The following NSUN6 variants were observed in gnomAD, a reference collection of about 807,000 sequenced individuals.
NSUN6 encodes the protein NOP2/Sun RNA methyltransferase 6.
Under a neutral mutation model 58.0 loss-of-function variants are expected in NSUN6, and 64 were observed. The ratio of observed to expected loss-of-function variants is 1.10; its 90% CI spans 0.90 to 1.36. The LOEUF (loss-of-function observed/expected upper bound fraction) is 1.36, where lower values mean the gene tolerates loss of function less well. Ranked by LOEUF, NSUN6 falls within the 40% of genes most tolerant of loss-of-function variation. The pLI is 0.00. For missense variants in NSUN6, 701 were observed against 550.1 expected (o/e 1.27, Z -2.74); for synonymous variants, 231 against 193.9 (o/e 1.19, Z -1.59).
chr10:18,610,145 C>G (rs764023202), intron 5 of NSUN6, among the ~76,000 whole-genome samples: 2 of 151,982 alleles, frequency 1.3e-5, no homozygotes, highest in Non-Finnish European at 2.9e-5. Context: ...CATGGAGAAA[C>G]CCTGTCTCTA....
chr10:18,596,136 T>TA (rs1491512503), intron 7 of NSUN6, 72 bp downstream of exon 7: 2 of 1,314,036 alleles, frequency 1.5e-6, no homozygotes, highest in East Asian at 2.3e-5. Flanking sequence ...TGAATGGCTC[T>TA]ATGTTTCAGA....
intron 8 of NSUN6, among the ~76,000 whole-genome samples, chr10:18,558,349 G>C (rs552634931): frequency 7.3e-6 from 1 of 136,936 alleles, no homozygotes; most frequent in Admixed American, 7.1e-5. Flanking sequence ...GGAATGGGAT[G>C]GAATGGAGAA....
Position 18,585,974 on chromosome 10 carries a change from T to A in NSUN6, c.897A>T (p.Lys299Asn), listed in dbSNP as rs1321443403. 6.2e-7 allele frequency: 1 copy of A among 1,608,120 alleles called. No homozygotes were observed. Among genetic ancestry groups the A allele is most frequent in the East Asian group, 2.2e-5 (1 of 44,816 alleles). Residue 299 changes from lysine to asparagine, a missense_variant, in exon 8 of 11, where the codon AAA (lysine) becomes AAT (asparagine). Lys to Asn is a moderately conservative substitution (Grantham distance 94). Coordinates refer to ENST00000377304, the MANE Select transcript of NSUN6 (RefSeq NM_182543.5). The stretch of plus-strand genomic sequence containing the variant: ...CTTCTGTGTCCTCCACCATATCAAG[T>A]TTAACCGCCTTTGTTCCATCAAAAC... ...AFCFDGTKAVKLDMVEDTEGE... is the reference protein window; with the variant it reads ...AFCFDGTKAVNLDMVEDTEGE...
At chr10:18,575,651 C>T (rs1159597694) in intron 8 of NSUN6, among the ~76,000 whole-genome samples, 4 of 152,126 alleles carry the variant, frequency 2.6e-5, no homozygotes, top group East Asian at 3.9e-4. Flanking sequence ...AACCACTTAA[C>T]CAAGTTAGTC....
At position 18,642,483 on chromosome 10, in the gene NSUN6, C is replaced by CAAT. The variant is rs1380633998; in HGVS notation, c.301_303dup (p.Ile101dup). 6.7e-7 allele frequency: 1 copy of CAAT among 1,499,356 alleles called. No homozygotes were observed. The highest frequency in any genetic ancestry group is 2.3e-5 in the East Asian group (1 of 44,056). 92.9% of individuals were successfully genotyped at this position (1,499,356 alleles called of 1,614,324 possible). On this transcript the variant is annotated inframe_insertion, in exon 3 of 11. Transcript: ENST00000377304. ...AATGAAGTTCTTACAAACCTGGGTC[C>CAAT]AATAACAGGAATAAGTAACACATCT...
chr10:18,641,887 A>T (rs1206915788), intron 3 of NSUN6, among the ~76,000 whole-genome samples: 2 of 152,094 alleles, frequency 1.3e-5, no homozygotes, highest in Non-Finnish European at 2.9e-5. Context: ...TGGGACACAT[A>T]GTGTGACTGT....
intron 8 of NSUN6, among the ~76,000 whole-genome samples, chr10:18,576,549 G>T (rs1002580308): frequency 5.3e-5 from 8 of 152,122 alleles, no homozygotes; most frequent in African/African-American, 1.9e-4. Flanking sequence ...TACAGCCTGG[G>T]GTAACAAGTC....
chr10:18,603,286 C>T lies in NSUN6; in HGVS notation c.657+6559G>A, dbSNP rs181984220. ...AAAAAAATAAAATACAGAATCAAAA[C>T]AGTAGACAGATGGTTTATTCATTTA... On this transcript the variant is annotated intron_variant, in intron 6 of 10. Coordinates refer to ENST00000377304, the MANE Select transcript of NSUN6 (RefSeq NM_182543.5). 2.0e-5 allele frequency among the ~76,000 whole-genome samples: 3 copies of T among 151,984 alleles called. No homozygotes were observed. The South Asian group carries it at 6.3e-4, about 32-fold the overall frequency.
At chr10:18,628,610 A>C (rs1173285995) in intron 3 of NSUN6, among the ~76,000 whole-genome samples, 1 of 152,244 alleles carries the variant, frequency 6.6e-6, no homozygotes. Context: ...TGAAGAATGT[A>C]GAAGCCTCAG....
chr10:18,554,005 T>C (rs551197313), intron 8 of NSUN6, among the ~76,000 whole-genome samples: 12 of 147,698 alleles, frequency 8.1e-5, no homozygotes, highest in South Asian at 4.3e-4. Context: ...GAGAATGTAA[T>C]TGATTACAGA....
intron 9 of NSUN6, among the ~76,000 whole-genome samples, chr10:18,548,991 C>T (rs2054450936): frequency 6.6e-6 from 1 of 152,164 alleles, no homozygotes; most frequent in Admixed American, 6.6e-5. Context: ...GCCTCTTTAT[C>T]TTTTGCCTGG....
intron 7 of NSUN6, among the ~76,000 whole-genome samples, chr10:18,593,784 T>C (rs1021960771): frequency 6.6e-6 from 1 of 151,622 alleles, no homozygotes; most frequent in African/African-American, 2.4e-5. Flanking sequence ...AGATAACGGG[T>C]TGATAGGTAC....
intron 2 of NSUN6, among the ~76,000 whole-genome samples, chr10:18,645,412 G>C (rs947399421): frequency 6.6e-6 from 1 of 152,124 alleles, no homozygotes; most frequent in African/African-American, 2.4e-5. Context: ...TGTTAGACTT[G>C]GGTCCCACAT....
At chr10:18,612,013 G>A (rs2131332143) in intron 5 of NSUN6, among the ~76,000 whole-genome samples, 1 of 152,266 alleles carries the variant, frequency 6.6e-6, no homozygotes, top group Non-Finnish European at 1.5e-5. Flanking sequence ...CTCAGTTGCT[G>A]CTCCAGTCAG....
At chr10:18,568,037 G>T (rs1319223168) in intron 8 of NSUN6, among the ~76,000 whole-genome samples, 1 of 141,822 alleles carries the variant, frequency 7.1e-6, no homozygotes. Flanking sequence ...ATTCTCCATT[G>T]CATTCTATTC....
chr10:18,633,348 G>A (rs1056987259), intron 3 of NSUN6, among the ~76,000 whole-genome samples: 3 of 151,300 alleles, frequency 2.0e-5, no homozygotes, highest in African/African-American at 7.3e-5. Flanking sequence ...CACCAGCATG[G>A]CACATGTATA....
At chr10:18,600,965 T>TATATATATGTATATATATATATATAC (rs2057807540) in intron 6 of NSUN6, among the ~76,000 whole-genome samples, 1 of 105,344 alleles carries the variant, frequency 9.5e-6, no homozygotes, top group Non-Finnish European at 1.8e-5. Flanking sequence ...TATATACATA[T>TATATATATGTATATATATATATATAC]ATATATATAT....
intron 7 of NSUN6, among the ~76,000 whole-genome samples, chr10:18,594,359 G>A (rs1443487613): frequency 2.6e-5 from 4 of 151,914 alleles, no homozygotes; most frequent in Non-Finnish European, 5.9e-5. Context: ...ATGCAGCAAT[G>A]GCATAGCCTA....
intron 8 of NSUN6, among the ~76,000 whole-genome samples, chr10:18,573,352 CTCAT>C (rs1433812836): frequency 8.0e-5 from 12 of 149,638 alleles, no homozygotes; most frequent in Admixed American, 2.7e-4. Context: ...CTTTCCATTC[CTCAT>C]TCAATTTCCA....
Sources: gnomAD v4.1 joint callset for allele counts (sites outside exome capture counted in the v4.1 genomes callset) on GRCh38, gnomAD v4.1.1 for gene constraint, MANE v1.5 for transcripts, NCBI Gene and HGNC (gene_info 2026-07-23, HGNC 2026-07-21) for gene names.